Variants in EPHA6 observed in about 807,000 individuals in gnomAD.
EPHA6 encodes the protein EPH receptor A6.
A neutral mutation model predicts 112.0 loss-of-function variants in EPHA6; 50 were observed. The ratio of observed to expected loss-of-function variants is 0.45; its 90% CI spans 0.36 to 0.56. The LOEUF is 0.56. EPHA6 is among the 20% of genes least tolerant of loss of function. The pLI, the probability that EPHA6 is intolerant of heterozygous loss-of-function variation, is 0.00. For missense variants in EPHA6, 1,280 were observed against 1,417.4 expected (o/e 0.90, Z 1.56); for synonymous variants, 529 against 490.7 (o/e 1.08, Z -1.03).
At chr3:96,981,955 A>G (rs1416838763) in intron 2 of EPHA6, among the ~76,000 whole-genome samples, 1 of 151,572 alleles carries the variant, frequency 6.6e-6, no homozygotes, top group African/African-American at 2.4e-5. Flanking sequence ...TTTCTTCTTT[A>G]TTAGTCCTGC....
intron 10 of EPHA6, among the ~76,000 whole-genome samples, chr3:97,489,108 C>T (rs1179083838): frequency 1.3e-5 from 2 of 152,104 alleles, no homozygotes; most frequent in East Asian, 3.9e-4. Context: ...AGCTATCTTA[C>T]AGGATTAATA....
At chr3:97,114,531 G>A (rs148394063) in intron 3 of EPHA6, among the ~76,000 whole-genome samples, 229 of 151,882 alleles carry the variant, frequency 1.5e-3, no homozygotes, top group Non-Finnish European at 2.7e-3. Flanking sequence ...TTTTATTTTG[G>A]TGTTTTGAGA....
intron 2 of EPHA6, among the ~76,000 whole-genome samples, chr3:96,948,829 G>C (rs2041402138): frequency 1.3e-5 from 2 of 152,130 alleles, no homozygotes; most frequent in Non-Finnish European, 2.9e-5. Context: ...CAGAGAATTG[G>C]AATAAGGTAC....
At chr3:96,846,943 G>A (rs1020192662) in intron 1 of EPHA6, among the ~76,000 whole-genome samples, 1 of 152,064 alleles carries the variant, frequency 6.6e-6, no homozygotes, top group Non-Finnish European at 1.5e-5. Context: ...TTATCAAGGT[G>A]TCAGTGGGAG....
At chr3:97,721,230 A>G (rs74624000) in intron 15 of EPHA6, among the ~76,000 whole-genome samples, 8,773 of 152,240 alleles carry the variant, frequency 0.058, 819 homozygotes, top group African/African-American at 0.2. Flanking sequence ...GTAACTATAG[A>G]TAATCCCTAA....
rs2091629410 is a variant in EPHA6, at chr3:97,483,923, T to G, written c.2075-11T>G. ...CAAACTAAATCAATCGTTTTGTTAT[T>G]GTTGTTGCAGTGCGCTTCCCGGGAA... is the stretch of plus-strand genomic sequence containing the variant. On this transcript the variant is annotated splice_polypyrimidine_tract_variant and intron_variant, in intron 9 of 17. Coordinates refer to ENST00000389672, the MANE Select transcript of EPHA6 (RefSeq NM_001080448.3). 3.8e-6 allele frequency: 6 copies of G among 1,589,322 alleles called. No homozygotes were observed. The East Asian group carries it at 1.4e-4, about 36-fold the overall frequency.
intron 3 of EPHA6, among the ~76,000 whole-genome samples, chr3:97,002,786 A>G (rs1204974947): frequency 6.6e-6 from 1 of 152,088 alleles, no homozygotes; most frequent in African/African-American, 2.4e-5. Flanking sequence ...AAAATAACAA[A>G]TGCATTGCAA....
intron 1 of EPHA6, among the ~76,000 whole-genome samples, chr3:96,854,752 G>A (rs576254563): frequency 6.6e-6 from 1 of 152,216 alleles, no homozygotes; most frequent in South Asian, 2.1e-4. Context: ...GACCACTGAG[G>A]CTGCATTGAA....
intron 2 of EPHA6, among the ~76,000 whole-genome samples, chr3:96,916,413 A>C (rs774934611): frequency 2.0e-5 from 3 of 152,150 alleles, no homozygotes; most frequent in Non-Finnish European, 2.9e-5. Context: ...TACTATTGTT[A>C]GCATTAGCTG....
chr3:97,705,733 A>G (rs1329472055), intron 14 of EPHA6, among the ~76,000 whole-genome samples: 2 of 152,236 alleles, frequency 1.3e-5, no homozygotes, highest in African/African-American at 4.8e-5. Context: ...TAAAAATGGA[A>G]AGGGCTCTTA....
intron 3 of EPHA6, among the ~76,000 whole-genome samples, chr3:97,029,236 A>G (rs1444165889): frequency 6.6e-6 from 1 of 151,720 alleles, no homozygotes; most frequent in Non-Finnish European, 1.5e-5. Context: ...TTATTTTCTA[A>G]ATTCCAGTTT....
chr3:97,037,041 G>A (rs1240912974), intron 3 of EPHA6, among the ~76,000 whole-genome samples: 1 of 151,922 alleles, frequency 6.6e-6, no homozygotes, highest in Non-Finnish European at 1.5e-5. Context: ...GAGGCAAAAT[G>A]TTTGTTTACT....
intron 13 of EPHA6, among the ~76,000 whole-genome samples, chr3:97,611,436 G>A (rs559937321): frequency 1.3e-5 from 2 of 151,818 alleles, no homozygotes; most frequent in South Asian, 2.1e-4. Context: ...TAGTATATAC[G>A]AAAAGTAATT....
chr3:97,670,158 G>T (rs1265341818), intron 14 of EPHA6, among the ~76,000 whole-genome samples: 1 of 152,138 alleles, frequency 6.6e-6, no homozygotes, highest in African/African-American at 2.4e-5. Context: ...CCCATTTGCT[G>T]GGAAATAAAA....
intron 1 of EPHA6, among the ~76,000 whole-genome samples, chr3:96,831,638 T>C (rs147066823): frequency 6.6e-5 from 10 of 152,136 alleles, no homozygotes; most frequent in African/African-American, 2.4e-4. Context: ...GCTTGTCACA[T>C]AGGTATATTC....
intron 2 of EPHA6, among the ~76,000 whole-genome samples, chr3:96,939,165 A>C (rs2040786035): frequency 6.6e-6 from 1 of 152,204 alleles, no homozygotes; most frequent in Non-Finnish European, 1.5e-5. Flanking sequence ...TGATTGGAAT[A>C]GTTTCAGAAG....
chr3:97,180,388 A>G (rs969237560), intron 3 of EPHA6, among the ~76,000 whole-genome samples: 52 of 152,102 alleles, frequency 3.4e-4, no homozygotes, highest in Non-Finnish European at 4.4e-4. Flanking sequence ...TGCCATGGTC[A>G]TGCTGGTACC....
At chr3:97,163,537 A>T (rs183669328) in intron 3 of EPHA6, among the ~76,000 whole-genome samples, 96 of 152,262 alleles carry the variant, frequency 6.3e-4, no homozygotes, top group African/African-American at 2.2e-3. Context: ...GGAATATAGG[A>T]CACCTCCTTA....
chr3:97,271,399 C>T (rs915078777), intron 5 of EPHA6, among the ~76,000 whole-genome samples: 2 of 152,316 alleles, frequency 1.3e-5, no homozygotes, highest in East Asian at 1.9e-4. Context: ...CGCTCTGTCA[C>T]CCAGGCTGGA....
Sources: allele counts gnomAD v4.1 joint callset (sites outside exome capture counted in the v4.1 genomes callset), GRCh38; gene constraint gnomAD v4.1.1; transcripts MANE v1.5; gene names NCBI Gene and HGNC (gene_info 2026-07-23, HGNC 2026-07-21).